ROBO2: variants seen among roughly 807,000 people sequenced by gnomAD.
The protein encoded by ROBO2 is roundabout guidance receptor 2, also known as roundabout homolog 2.
Under a neutral mutation model 160.8 loss-of-function variants are expected in ROBO2, and 53 were observed. That is an observed-to-expected ratio of 0.33 (90% CI 0.26 to 0.41). The LOEUF is 0.41. ROBO2 is among the 10% of genes least tolerant of loss of function. The pLI is 1.00. For synonymous variants in ROBO2, 664 were observed against 611.7 expected (o/e 1.09, Z -1.26); for missense variants, 1,577 against 1,722.4 (o/e 0.92, Z 1.49).
At chr3:76,259,117 GT>G (rs1706580706) in intron 2 of ROBO2, among the ~76,000 whole-genome samples, 2 of 152,010 alleles carry the variant, frequency 1.3e-5, no homozygotes, top group East Asian at 1.9e-4. Context: ...ACTATGCTTT[GT>G]TTTTTAGGCT....
chr3:77,614,738 C>CA (rs1400347385), intron 21 of ROBO2, among the ~76,000 whole-genome samples: 3 of 149,640 alleles, frequency 2.0e-5, no homozygotes, highest in Non-Finnish European at 3.0e-5. Flanking sequence ...ACCAACCAAC[C>CA]AACCAACCAA....
intron 2 of ROBO2, among the ~76,000 whole-genome samples, chr3:77,366,473 T>C (rs2070890380): frequency 6.6e-6 from 1 of 152,058 alleles, no homozygotes; most frequent in Admixed American, 6.6e-5. Context: ...GCAGGCCCTC[T>C]CCAGACACCA....
At chr3:76,833,439 G>C (rs1172508279) in intron 2 of ROBO2, among the ~76,000 whole-genome samples, 6 of 152,088 alleles carry the variant, frequency 3.9e-5, no homozygotes, top group Non-Finnish European at 7.4e-5. Context: ...GGGATAGAAT[G>C]CTCTCTCTGA....
rs954528870 is a variant in ROBO2, at chr3:76,261,231, A to G, written c.109+323629A>G. On this transcript the variant is annotated intron_variant, in intron 2 of 26. Transcript: ENST00000487694. Reference sequence around the variant, plus strand: ...ATATATATATAAATGACAGCTTCCTATGAATTCTAATATAAAGAGAGCTCT... The same window carrying G: ...ATATATATATAAATGACAGCTTCCTGTGAATTCTAATATAAAGAGAGCTCT... Among the ~76,000 whole-genome samples the G allele has an allele frequency of 5.4e-5, 8 of 149,464 alleles. No individual in the cohort carries two copies. In the Admixed American group the frequency reaches 5.4e-4, roughly 10 times the overall value.
intron 1 of ROBO2, among the ~76,000 whole-genome samples, chr3:75,911,560 T>TTTC (rs2106733545): frequency 7.7e-6 from 1 of 129,850 alleles, no homozygotes; most frequent in Non-Finnish European, 1.6e-5. Context: ...TTCTTTTTTT[T>TTTC]TTTTTTTTTT....
At chr3:75,920,829 T>G (rs760985680) in intron 1 of ROBO2, among the ~76,000 whole-genome samples, 1 of 152,050 alleles carries the variant, frequency 6.6e-6, no homozygotes, top group Non-Finnish European at 1.5e-5. Context: ...TCTGTTTTAT[T>G]AGAGACTAGG....
At chr3:77,074,669 T>G (rs1300914253) in intron 1 of ROBO2, among the ~76,000 whole-genome samples, 1 of 152,128 alleles carries the variant, frequency 6.6e-6, no homozygotes, top group Non-Finnish European at 1.5e-5. Context: ...AAGCATCACC[T>G]TTATTGTTTG....
In ROBO2 at chr3:77,535,413, C is replaced by T. The variant is rs543726934; in HGVS notation, c.935-10925C>T. 5.9e-4 allele frequency among the ~76,000 whole-genome samples: 90 copies of T among 152,044 alleles called. 1 individual carries two copies. The highest frequency in any genetic ancestry group is 2.1e-3 in the African/African-American group (89 of 41,492). The stretch of plus-strand genomic sequence containing the variant: ...AAGCTATAGTTTCCCTCTCTTTACT[C>T]CCACACTTACAACTCCTTCTATCCC... On this transcript the variant is annotated intron_variant, in intron 6 of 25. Coordinates refer to ENST00000461745, the Ensembl canonical transcript of ROBO2.
chr3:77,496,077 C>T (rs1354916079), intron 5 of ROBO2, among the ~76,000 whole-genome samples: 4 of 152,164 alleles, frequency 2.6e-5, no homozygotes, highest in Admixed American at 2.6e-4. Context: ...GGCCACTAAA[C>T]AACAAGGTTG....
chr3:76,079,859 G>C (rs1221238815), intron 2 of ROBO2, among the ~76,000 whole-genome samples: 1 of 151,912 alleles, frequency 6.6e-6, no homozygotes, highest in Admixed American at 6.6e-5. Flanking sequence ...AAAGAAGGAA[G>C]AAAGAAATTT....
intron 2 of ROBO2, among the ~76,000 whole-genome samples, chr3:76,761,353 A>G (rs966355820): frequency 1.3e-5 from 2 of 151,718 alleles, no homozygotes; most frequent in Non-Finnish European, 2.9e-5. Flanking sequence ...ATCTCCTTGC[A>G]TGCAGGGTGA....
intron 23 of ROBO2, among the ~76,000 whole-genome samples, chr3:77,624,538 A>G (rs563802430): frequency 2.6e-5 from 4 of 152,304 alleles, no homozygotes; most frequent in East Asian, 1.9e-4. Context: ...CAGCATGCCA[A>G]TGAATGTTGT....
chr3:77,607,585 C>T (rs1022389119), intron 20 of ROBO2, among the ~76,000 whole-genome samples: 1 of 152,024 alleles, frequency 6.6e-6, no homozygotes, highest in African/African-American at 2.4e-5. Context: ...GTTCATTCAG[C>T]TCTGCTGTTA....
At chr3:77,452,231 A>C (rs2081193305) in intron 2 of ROBO2, among the ~76,000 whole-genome samples, 1 of 152,340 alleles carries the variant, frequency 6.6e-6, no homozygotes, top group African/African-American at 2.4e-5. Flanking sequence ...TCATTTGCAA[A>C]GTATCATACT....
At chr3:76,118,588 A>G (rs1257846227) in intron 2 of ROBO2, among the ~76,000 whole-genome samples, 1 of 152,148 alleles carries the variant, frequency 6.6e-6, no homozygotes, top group Non-Finnish European at 1.5e-5. Flanking sequence ...AACCTCCGTT[A>G]TTATTGGATC....
chr3:76,696,354 T>A (rs2092926546), intron 2 of ROBO2, among the ~76,000 whole-genome samples: 1 of 150,192 alleles, frequency 6.7e-6, no homozygotes. Context: ...ACTTATTTTT[T>A]AAATAAATAC....
At chr3:75,954,092 A>G (rs192778641) in intron 2 of ROBO2, among the ~76,000 whole-genome samples, 71 of 151,964 alleles carry the variant, frequency 4.7e-4, no homozygotes, top group African/African-American at 1.6e-3. Context: ...TTCCCTGTTC[A>G]TGCAGTCAGC....
At chr3:76,219,457 A>G (rs186708627) in intron 2 of ROBO2, among the ~76,000 whole-genome samples, 7 of 152,312 alleles carry the variant, frequency 4.6e-5, no homozygotes, top group Admixed American at 3.9e-4. Context: ...AGAATCTACA[A>G]TGAACTCAAA....
intron 2 of ROBO2, among the ~76,000 whole-genome samples, chr3:76,256,654 T>A (rs1706407929): frequency 6.6e-6 from 1 of 152,052 alleles, no homozygotes; most frequent in Non-Finnish European, 1.5e-5. Flanking sequence ...GAGGCTGCAG[T>A]GAACCATGAT....
Sources: allele counts gnomAD v4.1 joint callset (sites outside exome capture counted in the v4.1 genomes callset), GRCh38; gene constraint gnomAD v4.1.1; transcripts MANE v1.5; gene names NCBI Gene and HGNC (gene_info 2026-07-23, HGNC 2026-07-21).